The following SLC35A1 variants were observed in gnomAD, a reference collection of about 807,000 sequenced individuals.
The protein encoded by SLC35A1 is CMP-sialic acid transporter.
A neutral mutation model predicts 40.3 loss-of-function variants in SLC35A1; 21 were observed. The ratio of observed to expected loss-of-function variants is 0.52; its 90% CI spans 0.37 to 0.75. The LOEUF is 0.75. Among genes scored for constraint, SLC35A1 ranks in the 30% least tolerant of loss-of-function variants. The pLI is 0.00. For synonymous variants in SLC35A1, 146 were observed against 147.3 expected (o/e 0.99, Z 0.06); for missense variants, 297 against 382.1 (o/e 0.78, Z 1.86).
At position 87,477,412 on chromosome 6, in the gene SLC35A1, ATGGC is replaced by A; in HGVS notation, c.70_73del (p.Ala24GlnfsTer5). On this transcript the variant is annotated frameshift_variant, in exon 2 of 8. Coordinates refer to ENST00000369552, the MANE Select transcript of SLC35A1 (RefSeq NM_006416.5). LOFTEE classifies it high-confidence loss of function. ...ATACTGCTTGGCAGTGATGACCCTG[ATGGC>A]TGCAGTCTATACCATAGCTTTAAGA... The A allele has an allele frequency of 6.2e-7, 1 of 1,613,988 alleles. No individual in the cohort carries two copies. Among genetic ancestry groups the A allele is most frequent in the African/African-American group, 1.3e-5 (1 of 75,044 alleles).
chr6:87,483,968 A>G (rs1366146713), intron 2 of SLC35A1, among the ~76,000 whole-genome samples: 3 of 152,220 alleles, frequency 2.0e-5, no homozygotes, highest in African/African-American at 7.2e-5. Flanking sequence ...AGGACTTGTC[A>G]CCATCCACAC....
chr6:87,475,671 C>A (rs982613382), intron 1 of SLC35A1, among the ~76,000 whole-genome samples: 13 of 152,290 alleles, frequency 8.5e-5, no homozygotes, highest in African/African-American at 3.1e-4. Flanking sequence ...TTGTAAGATC[C>A]AACCATACTG....
At chr6:87,503,932 A>G (rs540655881) in intron 4 of SLC35A1, among the ~76,000 whole-genome samples, 32 of 152,328 alleles carry the variant, frequency 2.1e-4, no homozygotes, top group Admixed American at 3.9e-4. Flanking sequence ...CTGGTAATCA[A>G]TGTAACAATA....
At chr6:87,476,801 G>A (rs762107860) in intron 1 of SLC35A1, among the ~76,000 whole-genome samples, 4 of 151,914 alleles carry the variant, frequency 2.6e-5, no homozygotes, top group South Asian at 2.1e-4. Context: ...GGAGGTGGGC[G>A]GATCACTTGA....
chr6:87,511,320 G>A (rs1451039391), intron 7 of SLC35A1, 79 bp from the exon 8 acceptor site: 91 of 1,496,852 alleles, frequency 6.1e-5, no homozygotes, highest in Non-Finnish European at 6.1e-5. Flanking sequence ...ACAATTAAGA[G>A]TTTTCAAAAT....
intron 2 of SLC35A1, among the ~76,000 whole-genome samples, chr6:87,484,922 A>G (rs9450714): frequency 2.0e-5 from 3 of 152,232 alleles, no homozygotes; most frequent in African/African-American, 7.2e-5. Context: ...TGATATGAAC[A>G]GTTAAGAGGA....
In SLC35A1 at chr6:87,511,813, A is replaced by T. The variant is rs1770286008; in HGVS notation, c.*287A>T. The T allele has an allele frequency of 1.3e-5, 5 of 385,908 alleles. No individual in the cohort carries two copies. In the East Asian group the frequency reaches 2.9e-4, roughly 22 times the overall value. 23.9% of individuals were successfully genotyped at this position (385,908 alleles called of 1,614,324 possible). On this transcript the variant is annotated 3_prime_UTR_variant, in exon 8 of 8. Transcript: ENST00000369552. ...AAAAGTATGGAGATGATACGGTGTTAAAAAAAATCATGGTAAGGCTACAAT... is the reference window on the plus strand; with the variant it reads ...AAAAGTATGGAGATGATACGGTGTTTAAAAAAATCATGGTAAGGCTACAAT...
chr6:87,507,919 C>G (rs960004894), intron 5 of SLC35A1, among the ~76,000 whole-genome samples: 3 of 149,842 alleles, frequency 2.0e-5, no homozygotes, highest in Non-Finnish European at 4.4e-5. Flanking sequence ...AGGAAAATGG[C>G]TTTACACAGC....
intron 2 of SLC35A1, among the ~76,000 whole-genome samples, chr6:87,478,922 A>G (rs1486666528): frequency 6.6e-6 from 1 of 152,180 alleles, no homozygotes; most frequent in Admixed American, 6.5e-5. Context: ...CGTGGCCTCT[A>G]TGGCTCTGTC....
In SLC35A1 at chr6:87,508,299, A is replaced by C. The variant is rs6924641; in HGVS notation, c.575-121A>C. The stretch of plus-strand genomic sequence containing the variant: ...TACATAATAAATGCACATTTAAGTA[A>C]AGTATGTTTTGTTCCCCAAATCATA... On this transcript the variant is annotated intron_variant, in intron 5 of 7. Transcript: ENST00000369552. The C allele has an allele frequency of 0.1, 69,752 of 669,118 alleles. 3,816 individuals carry two copies. Among genetic ancestry groups the C allele is most frequent in the East Asian group, 0.15 (5,573 of 36,574 alleles). 41.4% of individuals were successfully genotyped at this position (669,118 alleles called of 1,614,324 possible). A position where few individuals can be genotyped will look rare whatever the true frequency, so the allele number is the denominator to read the frequency against.
intron 4 of SLC35A1, 127 bp from the exon 5 acceptor site, chr6:87,506,255 T>A: frequency 1.3e-6 from 1 of 755,344 alleles, no homozygotes; most frequent in East Asian, 2.6e-5. Context: ...TTCTGTAGAA[T>A]AGCTGTGTCT....
chr6:87,504,332 T>C (rs1770015868), intron 4 of SLC35A1, among the ~76,000 whole-genome samples: 1 of 152,114 alleles, frequency 6.6e-6, no homozygotes, highest in Non-Finnish European at 1.5e-5. Context: ...CCTCCACTTA[T>C]TCTGAGTTTT....
intron 7 of SLC35A1, 82 bp from the exon 8 acceptor site, chr6:87,511,317 A>C (rs976036936): frequency 9.0e-6 from 13 of 1,441,462 alleles, no homozygotes; most frequent in African/African-American, 7.0e-5. Flanking sequence ...CCCACAATTA[A>C]GAGTTTTCAA....
At chr6:87,493,048 T>G (rs1015507424) in intron 2 of SLC35A1, among the ~76,000 whole-genome samples, 4 of 152,342 alleles carry the variant, frequency 2.6e-5, no homozygotes, top group Admixed American at 6.5e-5. Context: ...TACTTCATCA[T>G]TACCTATACA....
chr6:87,500,403 A>G (rs1769882282), intron 2 of SLC35A1, 105 bp from the exon 3 acceptor site: 3 of 1,095,758 alleles, frequency 2.7e-6, no homozygotes, highest in Middle Eastern at 2.0e-4. Flanking sequence ...GCTAAATTAC[A>G]GCAAGCATAG....
At chr6:87,491,851 C>T (rs925323134) in intron 2 of SLC35A1, among the ~76,000 whole-genome samples, 1 of 152,184 alleles carries the variant, frequency 6.6e-6, no homozygotes. Context: ...CTAATTCCAT[C>T]ATGAGGACTC....
intron 4 of SLC35A1, among the ~76,000 whole-genome samples, chr6:87,501,963 A>G (rs1021724132): frequency 1.3e-5 from 2 of 152,228 alleles, no homozygotes; most frequent in Non-Finnish European, 2.9e-5. Context: ...GAAACAGGAA[A>G]TGGGATGCCA....
At chr6:87,508,636 A>G in intron 6 of SLC35A1, 40 bp downstream of exon 6, 1 of 1,441,692 alleles carries the variant, frequency 6.9e-7, no homozygotes, top group Non-Finnish European at 9.5e-7. Flanking sequence ...TAGATCCTTT[A>G]TTTTTTTTTT....
At chr6:87,492,967 TTC>T (rs1445654454) in intron 2 of SLC35A1, among the ~76,000 whole-genome samples, 4 of 152,232 alleles carry the variant, frequency 2.6e-5, no homozygotes, top group Non-Finnish European at 5.9e-5. Flanking sequence ...GAGATAAATA[TTC>T]TCTTTCTCAT....
Sources: allele counts gnomAD v4.1 joint callset (sites outside exome capture counted in the v4.1 genomes callset), GRCh38; gene constraint gnomAD v4.1.1; transcripts MANE v1.5; gene names NCBI Gene and HGNC (gene_info 2026-07-23, HGNC 2026-07-21).